The following LOXHD1 variants were observed in gnomAD, a reference collection of about 807,000 sequenced individuals.
LOXHD1 encodes the protein lipoxygenase homology domain-containing protein 1.
A neutral mutation model predicts 248.2 loss-of-function variants in LOXHD1; 205 were observed. The observed-to-expected ratio is 0.83, with a 90% CI of 0.74 to 0.93. LOXHD1 has a LOEUF of 0.93. Ranked by LOEUF, LOXHD1 falls within the 40% of genes least tolerant of loss-of-function variation. LOXHD1 has a pLI of 0.00. For synonymous variants in LOXHD1, 1,113 were observed against 1,162.8 expected, an observed-to-expected ratio of 0.96 and a Z score of 0.87; for missense variants, 2,930 against 2,971.6, an observed-to-expected ratio of 0.99 and a Z score of 0.33.
chr18:46,511,767 A>G (rs994498296), intron 34 of LOXHD1, among the ~76,000 whole-genome samples: 2 of 152,204 alleles, frequency 1.3e-5, no homozygotes, highest in Non-Finnish European at 2.9e-5. Flanking sequence ...CTGCTCAGGC[A>G]GTTTGTCTTT....
intron 26 of LOXHD1, among the ~76,000 whole-genome samples, chr18:46,535,113 G>A (rs374120833): frequency 3.3e-5 from 5 of 151,910 alleles, no homozygotes; most frequent in Non-Finnish European, 7.4e-5. Flanking sequence ...TTGCATAGTG[G>A]AGCCCCTCCT....
chr18:46,619,503 C>A (rs540073639), intron 4 of LOXHD1, among the ~76,000 whole-genome samples: 1 of 152,204 alleles, frequency 6.6e-6, no homozygotes, highest in African/African-American at 2.4e-5. Flanking sequence ...GGGAGCAGGA[C>A]TTCCTTCTCC....
At chr18:46,650,243 G>A (rs1400835061) in intron 1 of LOXHD1, among the ~76,000 whole-genome samples, 1 of 152,190 alleles carries the variant, frequency 6.6e-6, no homozygotes, top group Non-Finnish European at 1.5e-5. Context: ...CACTGGAACA[G>A]CCAGTTCTGG....
At position 46,604,195 on chromosome 18, in the gene LOXHD1, T is replaced by C; in HGVS notation, c.794A>G (p.Tyr265Cys). The C allele has an allele frequency of 6.4e-7, 1 of 1,551,760 alleles. No homozygotes were observed. Among genetic ancestry groups the C allele is most frequent in the Non-Finnish European group, 8.7e-7 (1 of 1,147,002 alleles). ...VIEDIGNKRK[Y>C]DFPLNRWLAL... The stretch of plus-strand genomic sequence containing the variant: ...CAGCCAGCGGTTAAGGGGGAAGTCA[T>C]ATTTTCTTTTGTTCCCAATATCTTC... The change falls in exon 7 of 41, where the codon TAT (tyrosine) becomes TGT (cysteine). Residue 265 changes from tyrosine (Y) to cysteine (C), a missense_variant. By Grantham distance (194) the Tyr-to-Cys change is radical. Transcript: ENST00000642948.
At chr18:46,527,092 G>A (rs770218548) in intron 29 of LOXHD1, among the ~76,000 whole-genome samples, 4 of 151,110 alleles carry the variant, frequency 2.6e-5, no homozygotes, top group Non-Finnish European at 4.4e-5. Flanking sequence ...GGCAGAATGG[G>A]ACAAAGATTT....
At chr18:46,567,875 T>G (rs889947824) in intron 16 of LOXHD1, among the ~76,000 whole-genome samples, 1 of 152,128 alleles carries the variant, frequency 6.6e-6, no homozygotes, top group Non-Finnish European at 1.5e-5. Flanking sequence ...CCATGCTGCT[T>G]GTTGAGGGGG....
Position 46,566,356 on chromosome 18 carries a change from G to C in LOXHD1, c.2338C>G (p.Gln780Glu), listed in dbSNP as rs568394429. The part of the protein sequence containing the change: ...VQIRVPRQGK[Q>E]YTFPANRWLD... ...CAGCGGTTGGCGGGAAAGGTGTACT[G>C]CTTGCCTTGACGGGGCACACGGATC... is the stretch of plus-strand genomic sequence containing the variant. Residue 780 changes from glutamine to glutamate, a missense_variant, in exon 17 of 41, where the codon CAG becomes GAG. Transcript: ENST00000642948. The C allele has an allele frequency of 6.4e-7, 1 of 1,551,790 alleles. No homozygotes were observed. The highest frequency in any genetic ancestry group is 1.4e-5 in the African/African-American group (1 of 73,196).
chr18:46,649,761 G>A (rs1027269438), intron 1 of LOXHD1, among the ~76,000 whole-genome samples: 7 of 152,104 alleles, frequency 4.6e-5, no homozygotes, highest in African/African-American at 1.7e-4. Context: ...GAGCTTTGCA[G>A]GGGGTCCTTC....
At chr18:46,512,553 C>T (rs2035027832) in intron 34 of LOXHD1, among the ~76,000 whole-genome samples, 1 of 152,186 alleles carries the variant, frequency 6.6e-6, no homozygotes, top group Non-Finnish European at 1.5e-5. Flanking sequence ...TTGCAATTCC[C>T]CTGCTTTGAT....
intron 37 of LOXHD1, among the ~76,000 whole-genome samples, chr18:46,498,875 T>C (rs2034041934): frequency 6.6e-6 from 1 of 152,186 alleles, no homozygotes; most frequent in African/African-American, 2.4e-5. Flanking sequence ...TACCCTTGGA[T>C]AATTACAAAT....
intron 4 of LOXHD1, among the ~76,000 whole-genome samples, chr18:46,636,694 G>A (rs1189952222): frequency 1.3e-5 from 2 of 152,168 alleles, no homozygotes; most frequent in Admixed American, 6.5e-5. Flanking sequence ...TCCTGTTACT[G>A]TCCATATTGC....
intron 4 of LOXHD1, among the ~76,000 whole-genome samples, chr18:46,624,641 CCACCTCCAGTA>C (rs1422144140): frequency 2.0e-5 from 3 of 152,200 alleles, no homozygotes; most frequent in Non-Finnish European, 4.4e-5. Context: ...CCAGACTCTT[CCACCTCCAGTA>C]CATCCAACCC....
At chr18:46,595,022 A>G (rs2038236214) in intron 8 of LOXHD1, among the ~76,000 whole-genome samples, 1 of 152,240 alleles carries the variant, frequency 6.6e-6, no homozygotes, top group Non-Finnish European at 1.5e-5. Context: ...ATCCTCTATC[A>G]GCAAAGAAAT....
chr18:46,477,684 C>T lies in LOXHD1; in HGVS notation c.6610G>A (p.Asp2204Asn). 6.4e-7 allele frequency: 1 copy of T among 1,551,908 alleles called. No homozygotes were observed. Residue 2204 changes from aspartate (D) to asparagine (N), a missense_variant, in exon 41 of 41, where the codon GAC becomes AAC. Physicochemically the swap from Asp to Asn is conservative, Grantham distance 23. Coordinates refer to ENST00000642948, the MANE Select transcript of LOXHD1 (RefSeq NM_001384474.1). ...MRNLFERGST[D>N]RFFLETLELG... ...TCCAGCGTCTCCAGGAAGAAGCGGT[C>T]TGTGCTGCCCCGCTCGAAGAGGTTG...
chr18:46,544,039 C>T (rs1178020380), intron 23 of LOXHD1, among the ~76,000 whole-genome samples: 1 of 152,220 alleles, frequency 6.6e-6, no homozygotes, highest in African/African-American at 2.4e-5. Flanking sequence ...TCAGAGTCAT[C>T]GCTATGTCTT....
chr18:46,607,168 CAA>C (rs59602837), intron 6 of LOXHD1, among the ~76,000 whole-genome samples: 1 of 116,346 alleles, frequency 8.6e-6, no homozygotes, highest in Admixed American at 8.9e-5. Context: ...CATTCTGTCT[CAA>C]AAAAAAAAAA....
At chr18:46,637,246 A>G (rs1202603575) in intron 4 of LOXHD1, among the ~76,000 whole-genome samples, 3 of 152,216 alleles carry the variant, frequency 2.0e-5, no homozygotes, top group African/African-American at 7.2e-5. Flanking sequence ...TGGAAATACT[A>G]AGAACCTAAT....
intron 28 of LOXHD1, 22 bp from the exon 29 acceptor site, chr18:46,529,353 C>G (rs1055102449): frequency 1.3e-6 from 2 of 1,518,758 alleles, no homozygotes; most frequent in Non-Finnish European, 1.8e-6. Flanking sequence ...GTGGGACAGA[C>G]AGACAGACAA....
chr18:46,651,193 C>G (rs1270087317), intron 1 of LOXHD1, among the ~76,000 whole-genome samples: 1 of 152,154 alleles, frequency 6.6e-6, no homozygotes, highest in Non-Finnish European at 1.5e-5. Context: ...CTGTGAGGCA[C>G]CAGGATCAGG....
Sources: allele counts gnomAD v4.1 joint callset (sites outside exome capture counted in the v4.1 genomes callset), GRCh38; gene constraint gnomAD v4.1.1; transcripts MANE v1.5; gene names NCBI Gene and HGNC (gene_info 2026-07-23, HGNC 2026-07-21).